The following ZMAT4 variants were observed in gnomAD, a reference collection of about 807,000 sequenced individuals.
ZMAT4 encodes zinc finger matrin-type protein 4.
ZMAT4 carries 17 observed loss-of-function variants against 28.7 expected under a neutral mutation model. The observed-to-expected ratio is 0.59, with a 90% CI of 0.41 to 0.89. ZMAT4 has a LOEUF of 0.89. Ranked by LOEUF, ZMAT4 falls within the 40% of genes least tolerant of loss-of-function variation. The pLI is 0.00. For missense variants in ZMAT4, 240 were observed against 283.8 expected (o/e 0.85, Z 1.11); for synonymous variants, 117 against 109.2 (o/e 1.07, Z -0.44).
chr8:40,819,498 T>C (rs1031475506), intron 2 of ZMAT4, among the ~76,000 whole-genome samples: 13 of 152,070 alleles, frequency 8.5e-5, no homozygotes, highest in Non-Finnish European at 1.9e-4. Context: ...GCATCCCCTG[T>C]CAGTGTCAGT....
At chr8:40,772,929 G>A (rs1256281004) in intron 2 of ZMAT4, among the ~76,000 whole-genome samples, 1 of 152,140 alleles carries the variant, frequency 6.6e-6, no homozygotes, top group Non-Finnish European at 1.5e-5. Flanking sequence ...ACCGGCTGAT[G>A]CGAGATGAGG....
At chr8:40,671,214 T>C (rs1250160739) in intron 5 of ZMAT4, among the ~76,000 whole-genome samples, 1 of 152,224 alleles carries the variant, frequency 6.6e-6, no homozygotes, top group Non-Finnish European at 1.5e-5. Context: ...GGAATTTTTA[T>C]ATGTTGGCTT....
intron 3 of ZMAT4, among the ~76,000 whole-genome samples, chr8:40,752,997 T>C (rs1812520386): frequency 6.6e-6 from 1 of 152,152 alleles, no homozygotes; most frequent in Non-Finnish European, 1.5e-5. Context: ...ATCTAGGTTT[T>C]AAGCCCTGTA....
chr8:40,632,790 C>T lies in ZMAT4; in HGVS notation c.577+41914G>A, dbSNP rs189726438. Among the ~76,000 whole-genome samples, 436 of 152,302 alleles carry T rather than the reference C, an allele frequency of 2.9e-3. 4 individuals are homozygous for T. The highest frequency in any genetic ancestry group is 9.9e-3 in the African/African-American group (411 of 41,568). The stretch of plus-strand genomic sequence containing the variant: ...AGCTGTGGCAGTTTGTTATGGCAAC[C>T]TTAGCAAAAGAATGCAACCATGTGA... On this transcript the variant is annotated intron_variant, in intron 5 of 6. Transcript: ENST00000297737.
intron 5 of ZMAT4, among the ~76,000 whole-genome samples, chr8:40,583,434 T>A (rs16889623): frequency 0.19 from 28,814 of 152,094 alleles, 2,791 homozygotes; most frequent in Non-Finnish European, 0.22. Flanking sequence ...TTGAGGGCAA[T>A]GATACTTCAG....
chr8:40,884,529 C>T (rs1479285665), intron 1 of ZMAT4: 2 of 152,406 alleles, frequency 1.3e-5, no homozygotes, highest in Non-Finnish European at 2.9e-5. Flanking sequence ...AGCCTCTCAC[C>T]TCATCCTCAA....
rs1268778756 is a variant in ZMAT4, at chr8:40,629,600, C to T, written c.577+45104G>A. Among the ~76,000 whole-genome samples, 11 of 145,024 alleles carry T rather than the reference C, an allele frequency of 7.6e-5. No individual in the cohort carries two copies. In the East Asian group the frequency reaches 2.3e-3, roughly 30 times the overall value. On this transcript the variant is annotated intron_variant, in intron 5 of 6. Transcript: ENST00000297737. The stretch of plus-strand genomic sequence containing the variant: ...GGCCCCGGTGTGTGATGTTCCTCTT[C>T]CTGTGTCCAAGTGTTCTCATTGTTC...
rs1806237281 is a variant in ZMAT4, at chr8:40,622,495, CA to C, written c.578-41235del. Among the ~76,000 whole-genome samples, 4 of 152,348 alleles carry C rather than the reference CA, an allele frequency of 2.6e-5. No homozygotes were observed. The South Asian group carries it at 8.3e-4, about 32-fold the overall frequency. On this transcript the variant is annotated intron_variant, in intron 5 of 6. Coordinates refer to ENST00000297737, the MANE Select transcript of ZMAT4 (RefSeq NM_024645.3). ...ATGTTACCAACTGGGTGAAGTTGCA[CA>C]AATCTCTTCCCTTTTCTGGGTTTTA...
chr8:40,841,122 C>G (rs1236163149), intron 1 of ZMAT4, among the ~76,000 whole-genome samples: 4 of 152,200 alleles, frequency 2.6e-5, no homozygotes, highest in Non-Finnish European at 5.9e-5. Flanking sequence ...CGGTCCTTGG[C>G]AACGTCATTC....
intron 3 of ZMAT4, among the ~76,000 whole-genome samples, chr8:40,762,084 A>C (rs967306910): frequency 2.0e-5 from 3 of 152,208 alleles, no homozygotes; most frequent in Non-Finnish European, 2.9e-5. Flanking sequence ...CGAAGTCAAC[A>C]GCAGACCACT....
intron 3 of ZMAT4, among the ~76,000 whole-genome samples, chr8:40,706,089 G>T (rs868402782): frequency 2.0e-5 from 3 of 151,682 alleles, no homozygotes; most frequent in South Asian, 2.1e-4. Context: ...ACAGAGTCTC[G>T]CTCTGTCACC....
chr8:40,825,526 G>C (rs969337365), intron 2 of ZMAT4, 49 bp downstream of exon 2: 1 of 1,481,932 alleles, frequency 6.7e-7, no homozygotes. Context: ...CAATGACCCG[G>C]GCTGCTCCCT....
intron 3 of ZMAT4, among the ~76,000 whole-genome samples, chr8:40,753,310 T>A (rs1812535400): frequency 6.6e-6 from 1 of 151,842 alleles, no homozygotes; most frequent in African/African-American, 2.4e-5. Flanking sequence ...CACATCCTAC[T>A]TACTCTACCT....
intron 5 of ZMAT4, among the ~76,000 whole-genome samples, chr8:40,630,854 A>G (rs1806547640): frequency 6.6e-6 from 1 of 152,272 alleles, no homozygotes; most frequent in South Asian, 2.1e-4. Flanking sequence ...TAAATTTTCT[A>G]GATGCCATAG....
intron 5 of ZMAT4, among the ~76,000 whole-genome samples, chr8:40,645,080 A>T (rs945169090): frequency 1.3e-5 from 2 of 152,218 alleles, no homozygotes; most frequent in African/African-American, 4.8e-5. Flanking sequence ...AAGGACACTC[A>T]GTAAAAATTA....
At chr8:40,618,927 AG>A (rs1806108937) in intron 5 of ZMAT4, among the ~76,000 whole-genome samples, 1 of 152,214 alleles carries the variant, frequency 6.6e-6, no homozygotes, top group Non-Finnish European at 1.5e-5. Flanking sequence ...GAAATTAGAC[AG>A]GTAAGTTTAA....
chr8:40,807,568 CT>C (rs1313818242), intron 2 of ZMAT4, among the ~76,000 whole-genome samples: 5 of 152,168 alleles, frequency 3.3e-5, no homozygotes, highest in African/African-American at 1.2e-4. Context: ...GCCGGCATGG[CT>C]CTTTATTTTT....
At position 40,560,197 on chromosome 8, in the gene ZMAT4, T is replaced by TTATATA. The variant is rs4038742; in HGVS notation, c.674+20962_674+20967dup. ...TTATCTTCCATAATCTTGTCAAACTTTATATATATATATATATATAAAATT... is the reference window on the plus strand; with the variant it reads ...TTATCTTCCATAATCTTGTCAAACTTTATATATATATATATATATATATATAAAATT... On this transcript the variant is annotated intron_variant, in intron 6 of 6. Transcript: ENST00000297737. Among the ~76,000 whole-genome samples, 678 of 142,156 alleles carry TTATATA rather than the reference T, an allele frequency of 4.8e-3. 4 individuals carry two copies. The highest frequency in any genetic ancestry group is 5.9e-3 in the Non-Finnish European group (391 of 65,994). The allele number at this position is 142,156 out of a possible 152,430, so 93.3% of individuals were successfully genotyped here. A position where few individuals can be genotyped will look rare whatever the true frequency, so the allele number is the denominator to read the frequency against.
At chr8:40,666,817 C>T (rs1165561551) in intron 5 of ZMAT4, among the ~76,000 whole-genome samples, 1 of 151,734 alleles carries the variant, frequency 6.6e-6, no homozygotes, top group South Asian at 2.1e-4. Context: ...ATCAATATAT[C>T]GGAAAAAATC....
Sources: gnomAD v4.1 joint callset for allele counts (sites outside exome capture counted in the v4.1 genomes callset) on GRCh38, gnomAD v4.1.1 for gene constraint, MANE v1.5 for transcripts, NCBI Gene and HGNC (gene_info 2026-07-23, HGNC 2026-07-21) for gene names.